The following SPOCK3 variants were observed in gnomAD, a reference collection of about 807,000 sequenced individuals.
SPOCK3 encodes SPARC (osteonectin), cwcv and kazal like domains proteoglycan 3.
A neutral mutation model predicts 56.6 loss-of-function variants in SPOCK3; 30 were observed. The observed-to-expected ratio is 0.53, with a 90% CI of 0.40 to 0.72. The LOEUF (loss-of-function observed/expected upper bound fraction) is 0.72. Among genes scored for constraint, SPOCK3 ranks in the 30% least tolerant of loss-of-function variants. SPOCK3 has a pLI of 0.00. For missense variants in SPOCK3, 527 were observed against 530.0 expected, an observed-to-expected ratio of 0.99 and a Z score of 0.06; for synonymous variants, 196 against 183.3, an observed-to-expected ratio of 1.07 and a Z score of -0.56.
intron 6 of SPOCK3, among the ~76,000 whole-genome samples, chr4:166,840,734 G>GA (rs1247350838): frequency 1.4e-5 from 2 of 145,796 alleles, no homozygotes; most frequent in Non-Finnish European, 3.0e-5. Context: ...GAAGGAATAG[G>GA]AAAAGCTATG....
intron 2 of SPOCK3, among the ~76,000 whole-genome samples, chr4:167,185,659 C>A (rs1382507796): frequency 6.6e-6 from 1 of 151,818 alleles, no homozygotes; most frequent in Non-Finnish European, 1.5e-5. Context: ...ATATCTATGA[C>A]AAGAAACATG....
intron 2 of SPOCK3, among the ~76,000 whole-genome samples, chr4:167,066,701 C>T (rs1756173323): frequency 6.6e-6 from 1 of 151,684 alleles, no homozygotes; most frequent in African/African-American, 2.4e-5. Context: ...TGTCATATGT[C>T]CATGCTCTAT....
At chr4:166,960,810 G>A (rs1365917137) in intron 4 of SPOCK3, among the ~76,000 whole-genome samples, 1 of 152,180 alleles carries the variant, frequency 6.6e-6, no homozygotes, top group Non-Finnish European at 1.5e-5. Flanking sequence ...AGGAGGGATC[G>A]AGTTTTAAGA....
At chr4:167,129,500 G>C (rs1762540542) in intron 2 of SPOCK3, among the ~76,000 whole-genome samples, 1 of 152,104 alleles carries the variant, frequency 6.6e-6, no homozygotes, top group South Asian at 2.1e-4. Flanking sequence ...TCTGTTTAGT[G>C]CTTGAGCAAT....
intron 2 of SPOCK3, among the ~76,000 whole-genome samples, chr4:167,092,167 G>A (rs994137723): frequency 2.6e-4 from 39 of 152,162 alleles, no homozygotes; most frequent in African/African-American, 6.7e-4. Flanking sequence ...GTGGGGTGTC[G>A]CCTCACCCAG....
intron 2 of SPOCK3, among the ~76,000 whole-genome samples, chr4:167,144,101 T>C (rs182112589): frequency 6.6e-6 from 1 of 152,168 alleles, no homozygotes; most frequent in East Asian, 1.9e-4. Flanking sequence ...TTGCTTCATA[T>C]ATTTTTTCCT....
At chr4:167,172,575 G>A (rs550016438) in intron 2 of SPOCK3, among the ~76,000 whole-genome samples, 2 of 152,170 alleles carry the variant, frequency 1.3e-5, no homozygotes, top group South Asian at 4.1e-4. Flanking sequence ...AAATACATAA[G>A]CAACTTCAAA....
chr4:167,083,232 G>A (rs1215963792), intron 2 of SPOCK3: 6 of 765,378 alleles, frequency 7.8e-6, no homozygotes, highest in Middle Eastern at 4.5e-4. Flanking sequence ...CCAACCCAAA[G>A]CAAACCTCTA....
At chr4:167,030,059 T>C (rs1362880771) in intron 3 of SPOCK3, among the ~76,000 whole-genome samples, 1 of 148,016 alleles carries the variant, frequency 6.8e-6, no homozygotes, top group Non-Finnish European at 1.5e-5. Context: ...CTATTTTTGT[T>C]TTTAGTGTTA....
intron 2 of SPOCK3, among the ~76,000 whole-genome samples, chr4:167,179,341 T>C (rs1731251655): frequency 6.6e-6 from 1 of 152,114 alleles, no homozygotes; most frequent in Non-Finnish European, 1.5e-5. Flanking sequence ...TGTGTCCCGC[T>C]CAAAGTCTTT....
At chr4:166,838,801 T>C (rs757915038) in intron 6 of SPOCK3, among the ~76,000 whole-genome samples, 3 of 144,350 alleles carry the variant, frequency 2.1e-5, no homozygotes, top group Non-Finnish European at 4.5e-5. Flanking sequence ...ATAATAATAA[T>C]AAATTCAAAA....
At chr4:166,752,856 C>T (rs1463096398) in intron 8 of SPOCK3, among the ~76,000 whole-genome samples, 1 of 151,834 alleles carries the variant, frequency 6.6e-6, no homozygotes, top group Non-Finnish European at 1.5e-5. Flanking sequence ...TAGCCAAACC[C>T]TTCTAAGCAT....
chr4:167,200,322 T>G (rs1172912418), intron 2 of SPOCK3, among the ~76,000 whole-genome samples: 1 of 152,070 alleles, frequency 6.6e-6, no homozygotes, highest in East Asian at 1.9e-4. Flanking sequence ...AATTAAAATC[T>G]AGTCTATTTC....
intron 6 of SPOCK3, among the ~76,000 whole-genome samples, chr4:166,822,592 C>A (rs1415566620): frequency 6.6e-6 from 1 of 151,926 alleles, no homozygotes; most frequent in Non-Finnish European, 1.5e-5. Context: ...TTTCTTGGAT[C>A]GAATAACAGT....
chr4:166,966,941 G>A (rs945186713), intron 4 of SPOCK3, among the ~76,000 whole-genome samples: 7 of 151,996 alleles, frequency 4.6e-5, no homozygotes, highest in Admixed American at 2.6e-4. Context: ...AGGTTTCCAT[G>A]TTCTGATTCA....
At chr4:167,018,447 C>T (rs1750856107) in intron 3 of SPOCK3, among the ~76,000 whole-genome samples, 1 of 152,076 alleles carries the variant, frequency 6.6e-6, no homozygotes, top group African/African-American at 2.4e-5. Context: ...TTCCCATACC[C>T]TCCACTCACT....
intron 2 of SPOCK3, among the ~76,000 whole-genome samples, chr4:167,209,932 G>A (rs1366633537): frequency 2.0e-5 from 3 of 152,092 alleles, no homozygotes; most frequent in African/African-American, 7.2e-5. Context: ...CAAATATAGG[G>A]CAGTGAAGGG....
intron 4 of SPOCK3, among the ~76,000 whole-genome samples, chr4:166,945,031 T>G (rs1032632442): frequency 1.3e-5 from 2 of 152,240 alleles, no homozygotes; most frequent in African/African-American, 4.8e-5. Flanking sequence ...CGCTGACTTC[T>G]GTGTTCTTTT....
chr4:166,993,607 C>T (rs753280193), intron 4 of SPOCK3, among the ~76,000 whole-genome samples: 1 of 152,128 alleles, frequency 6.6e-6, no homozygotes, highest in Non-Finnish European at 1.5e-5. Context: ...TTTTATTTAA[C>T]GTATAAGGTA....
Sources: gnomAD v4.1 joint callset for allele counts (sites outside exome capture counted in the v4.1 genomes callset) on GRCh38, gnomAD v4.1.1 for gene constraint, MANE v1.5 for transcripts, NCBI Gene and HGNC (gene_info 2026-07-23, HGNC 2026-07-21) for gene names.